Variants in ADCY8 observed in about 807,000 individuals in gnomAD.
ADCY8 encodes adenylate cyclase type 8.
A neutral mutation model predicts 119.7 loss-of-function variants in ADCY8; 51 were observed. The observed-to-expected ratio is 0.43, with a 90% CI of 0.34 to 0.54. The LOEUF (loss-of-function observed/expected upper bound fraction) is 0.54. Among genes scored for constraint, ADCY8 ranks in the 20% least tolerant of loss-of-function variants. The pLI is 0.03. For synonymous variants in ADCY8, 665 were observed against 651.0 expected (o/e 1.02, Z -0.33); for missense variants, 1,383 against 1,598.8 (o/e 0.87, Z 2.30).
chr8:130,947,823 G>C (rs914081253), intron 3 of ADCY8, among the ~76,000 whole-genome samples: 16 of 152,276 alleles, frequency 1.1e-4, no homozygotes, highest in African/African-American at 3.8e-4. Context: ...TAGGAAATGG[G>C]AAAAAGAACC....
intron 5 of ADCY8, among the ~76,000 whole-genome samples, chr8:130,933,929 CT>C (rs567911522): frequency 6.1e-4 from 93 of 152,292 alleles, no homozygotes; most frequent in African/African-American, 2.1e-3. Context: ...ATTTTCAGAA[CT>C]GGTGGAGACT....
chr8:130,977,693 C>T (rs1305733907), intron 2 of ADCY8, among the ~76,000 whole-genome samples: 1 of 152,176 alleles, frequency 6.6e-6, no homozygotes, highest in Non-Finnish European at 1.5e-5. Context: ...ATATTTATTA[C>T]CACTATTCCA....
chr8:130,814,011 C>T, intron 14 of ADCY8, 58 bp downstream of exon 14: 1 of 1,595,266 alleles, frequency 6.3e-7, no homozygotes, highest in South Asian at 1.1e-5. Flanking sequence ...TCAATGTGAA[C>T]AACTGCACAT....
chr8:130,891,724 T>C (rs1017393722), intron 7 of ADCY8, among the ~76,000 whole-genome samples: 1 of 152,014 alleles, frequency 6.6e-6, no homozygotes, highest in Non-Finnish European at 1.5e-5. Context: ...AAATGCTAAG[T>C]GGTATTTGAG....
intron 15 of ADCY8, among the ~76,000 whole-genome samples, chr8:130,795,286 G>C (rs778119007): frequency 8.5e-5 from 13 of 152,180 alleles, no homozygotes; most frequent in Non-Finnish European, 1.9e-4. Context: ...CAAGGTCCCA[G>C]GGTGAGAAAG....
At chr8:130,797,715 A>T (rs572796047) in intron 15 of ADCY8, among the ~76,000 whole-genome samples, 1 of 152,324 alleles carries the variant, frequency 6.6e-6, no homozygotes, top group East Asian at 1.9e-4. Flanking sequence ...GTACTAGTAC[A>T]CTTACCAGTG....
intron 3 of ADCY8, among the ~76,000 whole-genome samples, chr8:130,944,055 A>G (rs1821036644): frequency 6.6e-6 from 1 of 152,136 alleles, no homozygotes; most frequent in South Asian, 2.1e-4. Flanking sequence ...GTCTTGTTCT[A>G]TGTATATGGC....
intron 2 of ADCY8, among the ~76,000 whole-genome samples, chr8:130,952,462 T>C (rs750945793): frequency 4.7e-4 from 72 of 152,180 alleles, no homozygotes; most frequent in Non-Finnish European, 7.9e-4. Flanking sequence ...CAATGAGAAA[T>C]CCAGGAATTA....
At chr8:131,027,945 T>A (rs1823871552) in intron 1 of ADCY8, among the ~76,000 whole-genome samples, 2 of 152,160 alleles carry the variant, frequency 1.3e-5, no homozygotes, top group African/African-American at 2.4e-5. Context: ...GACTTAACAG[T>A]GACCCAGATG....
intron 15 of ADCY8, among the ~76,000 whole-genome samples, chr8:130,790,931 T>A (rs575902986): frequency 1.3e-5 from 2 of 152,304 alleles, no homozygotes; most frequent in East Asian, 3.9e-4. Flanking sequence ...CCCAGAGTAA[T>A]CTCTTGATGA....
chr8:131,039,722 G>A lies in ADCY8; in HGVS notation c.612C>T (p.Ala204=), dbSNP rs1197950379. The A allele has an allele frequency of 6.2e-7, 1 of 1,614,170 alleles. No individual in the cohort carries two copies. ...LTLLVLHLSL[A]SAPMDPLKGI... The stretch of plus-strand genomic sequence containing the variant: ...CCTTGAGCGGGTCCATGGGGGCCGA[G>A]GCCAGGCTCAAGTGTAGGACCAAGA... Residue 204 remains alanine (A), a synonymous_variant, in exon 1 of 18, where the codon GCC becomes GCT. Coordinates refer to ENST00000286355, the MANE Select transcript of ADCY8 (RefSeq NM_001115.3).
chr8:130,975,760 T>C (rs1822052829), intron 2 of ADCY8, among the ~76,000 whole-genome samples: 1 of 152,234 alleles, frequency 6.6e-6, no homozygotes, highest in South Asian at 2.1e-4. Context: ...ATTGTCTATG[T>C]AGCCATTAAG....
intron 1 of ADCY8, among the ~76,000 whole-genome samples, chr8:131,036,010 G>T (rs1244982979): frequency 6.6e-6 from 1 of 152,082 alleles, no homozygotes; most frequent in Non-Finnish European, 1.5e-5. Context: ...ACTCTCTTAA[G>T]TAGTAAAAGA....
intron 2 of ADCY8, among the ~76,000 whole-genome samples, chr8:130,955,515 C>T (rs1821400273): frequency 6.6e-6 from 1 of 152,090 alleles, no homozygotes; most frequent in Non-Finnish European, 1.5e-5. Context: ...ATTATGTCTA[C>T]AGTTAAACAA....
chr8:130,799,767 G>A (rs1815708501), intron 15 of ADCY8, among the ~76,000 whole-genome samples: 1 of 152,206 alleles, frequency 6.6e-6, no homozygotes, highest in Non-Finnish European at 1.5e-5. Context: ...CTGGAGTTAG[G>A]CAGGGATTTG....
Position 130,990,669 on chromosome 8 carries a change from G to T in ADCY8, c.961-127C>A, listed in dbSNP as rs750989896. ...TAGTAATCCATATGTTTAATCGCAT[G>T]TTTGTAGAGCTATGCCCTTCATTCA... On this transcript the variant is annotated intron_variant, in intron 1 of 17. Transcript: ENST00000286355. 2.7e-4 allele frequency: 323 copies of T among 1,217,270 alleles called. 1 individual carries two copies. Among genetic ancestry groups the T allele is most frequent in the Middle Eastern group, 2.6e-3 (9 of 3,460 alleles). The allele number at this position is 1,217,270 out of a possible 1,614,324, so 75.4% of individuals were successfully genotyped here. A position where few individuals can be genotyped will look rare whatever the true frequency, so the allele number is the denominator to read the frequency against.
intron 1 of ADCY8, among the ~76,000 whole-genome samples, chr8:131,002,620 A>G (rs1586646588): frequency 2.0e-5 from 3 of 152,314 alleles, no homozygotes; most frequent in Admixed American, 1.3e-4. Flanking sequence ...TTAAAAAATA[A>G]CATAGCAATA....
chr8:130,905,737 G>A (rs974556532), intron 6 of ADCY8, among the ~76,000 whole-genome samples: 1 of 152,150 alleles, frequency 6.6e-6, no homozygotes, highest in African/African-American at 2.4e-5. Flanking sequence ...GTGCATGCCT[G>A]TAGTCCCAGC....
intron 11 of ADCY8, among the ~76,000 whole-genome samples, chr8:130,843,021 T>C (rs1817194896): frequency 6.6e-6 from 1 of 152,162 alleles, no homozygotes; most frequent in Non-Finnish European, 1.5e-5. Context: ...CATTGTGTAT[T>C]TACCTTGTTA....
Sources: allele counts gnomAD v4.1 joint callset (sites outside exome capture counted in the v4.1 genomes callset), GRCh38; gene constraint gnomAD v4.1.1; transcripts MANE v1.5; gene names NCBI Gene and HGNC (gene_info 2026-07-23, HGNC 2026-07-21).